Variants in VPS13B observed in about 807,000 individuals in gnomAD.
VPS13B encodes the protein vacuolar protein sorting 13 homolog B.
VPS13B carries 285 observed loss-of-function variants against 426.4 expected under a neutral mutation model. The observed-to-expected ratio is 0.67, with a 90% CI of 0.61 to 0.74. The LOEUF is 0.74. Among genes scored for constraint, VPS13B ranks in the 30% least tolerant of loss-of-function variants. VPS13B has a pLI of 0.00. For synonymous variants in VPS13B, 1,676 were observed against 1,676.4 expected (o/e 1.00, Z 0.01); for missense variants, 4,537 against 4,782.6 (o/e 0.95, Z 1.51).
At chr8:99,249,577 C>A (rs1333622207) in intron 17 of VPS13B, among the ~76,000 whole-genome samples, 1 of 152,020 alleles carries the variant, frequency 6.6e-6, no homozygotes, top group Admixed American at 6.6e-5. Context: ...ACACCCGCCA[C>A]CACGCCCGGC....
In VPS13B at chr8:99,391,617, T is replaced by A; in HGVS notation, c.2995T>A (p.Ser999Thr). ...TTGTAGAAGGAAAGAGGATGAGGTG[T>A]CTATTGGAAGTGCCCCCTTGGCAAA... is the stretch of plus-strand genomic sequence containing the variant. ...PVCRRKEDEV[S>T]IGSAPLAKQQ... Residue 999 changes from serine (S) to threonine (T), a missense_variant, in exon 21 of 62, where the codon TCT (serine) becomes ACT (threonine). Ser to Thr is a moderately conservative substitution (Grantham distance 58). This residue lies in a region of VPS13B where 4,311 missense variants were observed against 4,474.3 expected (regional missense o/e 0.96). Coordinates refer to ENST00000357162, the MANE Select transcript of VPS13B (RefSeq NM_152564.5). The A allele has an allele frequency of 3.7e-6, 6 of 1,614,180 alleles. No individual in the cohort carries two copies. Among genetic ancestry groups the A allele is most frequent in the Non-Finnish European group, 5.1e-6 (6 of 1,180,018 alleles).
chr8:99,162,142 T>G (rs1437936886), intron 15 of VPS13B, among the ~76,000 whole-genome samples: 1 of 152,180 alleles, frequency 6.6e-6, no homozygotes, highest in Non-Finnish European at 1.5e-5. Context: ...TTTCAGGATG[T>G]GGTAGAGAGT....
At chr8:99,105,927 GC>G (rs1482707469) in intron 5 of VPS13B, among the ~76,000 whole-genome samples, 2 of 152,138 alleles carry the variant, frequency 1.3e-5, no homozygotes, top group African/African-American at 4.8e-5. Context: ...CCATATGAAA[GC>G]TCATGATGAT....
chr8:99,685,411 TG>T (rs1831343900), intron 35 of VPS13B, among the ~76,000 whole-genome samples: 1 of 152,224 alleles, frequency 6.6e-6, no homozygotes, highest in African/African-American at 2.4e-5. Context: ...GGTTCTAATC[TG>T]GGGGCTCCTG....
chr8:99,307,737 T>C lies in VPS13B; in HGVS notation c.2824+32483T>C, dbSNP rs536765573. On this transcript the variant is annotated intron_variant, in intron 19 of 61. Coordinates refer to ENST00000357162, the MANE Select transcript of VPS13B (RefSeq NM_152564.5). ...TTTCCTTTTGTTGATCCCTTTTTCA[T>C]TGAAGTTTCTATTTCATTTAGTTCT... Among the ~76,000 whole-genome samples, 3 of 152,260 alleles carry C rather than the reference T, an allele frequency of 2.0e-5. No homozygotes were observed. In the East Asian group the frequency reaches 5.8e-4, roughly 29 times the overall value.
At chr8:99,570,614 A>T (rs1825426546) in intron 31 of VPS13B, among the ~76,000 whole-genome samples, 1 of 151,716 alleles carries the variant, frequency 6.6e-6, no homozygotes, top group Non-Finnish European at 1.5e-5. Flanking sequence ...TTTAAGCAAA[A>T]TTTTTATTGT....
chr8:99,774,024 T>C (rs1811631774), intron 40 of VPS13B, among the ~76,000 whole-genome samples: 1 of 152,182 alleles, frequency 6.6e-6, no homozygotes, highest in African/African-American at 2.4e-5. Context: ...TTTAGTCCTA[T>C]TGTACTTAGA....
intron 19 of VPS13B, among the ~76,000 whole-genome samples, chr8:99,361,705 G>A (rs534071157): frequency 3.2e-4 from 48 of 152,228 alleles, no homozygotes; most frequent in African/African-American, 1.1e-3. Context: ...GGTTACCTTA[G>A]CCAGATAATT....
chr8:99,841,380 T>C (rs1428243792), intron 54 of VPS13B, among the ~76,000 whole-genome samples: 1 of 152,214 alleles, frequency 6.6e-6, no homozygotes, highest in Non-Finnish European at 1.5e-5. Flanking sequence ...TCAACACATC[T>C]GAAACCAAGA....
intron 31 of VPS13B, among the ~76,000 whole-genome samples, chr8:99,565,383 T>A (rs1280475995): frequency 4.0e-5 from 6 of 151,322 alleles, no homozygotes; most frequent in Non-Finnish European, 8.8e-5. Context: ...TTTTTACACA[T>A]AAAGAATTTT....
At chr8:99,090,065 G>A (rs1056142922) in intron 3 of VPS13B, among the ~76,000 whole-genome samples, 2 of 152,014 alleles carry the variant, frequency 1.3e-5, no homozygotes, top group Admixed American at 1.3e-4. Flanking sequence ...TCCCATCATA[G>A]CCTGAAGTAG....
chr8:99,646,685 T>G (rs1346425352), intron 34 of VPS13B, among the ~76,000 whole-genome samples: 4 of 152,112 alleles, frequency 2.6e-5, no homozygotes, highest in Non-Finnish European at 4.4e-5. Context: ...TAAGGCCTAG[T>G]GGGAAGTGTT....
intron 19 of VPS13B, among the ~76,000 whole-genome samples, chr8:99,308,009 C>T (rs1288824484): frequency 6.6e-6 from 1 of 151,906 alleles, no homozygotes; most frequent in Non-Finnish European, 1.5e-5. Flanking sequence ...CTTCATTGAC[C>T]CAATGGTCAT....
rs1031700102 is a variant in VPS13B, at chr8:99,191,940, A to G, written c.2334-936A>G. 4.6e-5 allele frequency among the ~76,000 whole-genome samples: 7 copies of G among 152,190 alleles called. No individual in the cohort carries two copies. The East Asian group carries it at 1.3e-3, about 29-fold the overall frequency. ...ATACAAGAGAAGTTCTGTACTCTCCATGTGTGGTTACAGTTGGGAAAATGA... is the reference window on the plus strand; with the variant it reads ...ATACAAGAGAAGTTCTGTACTCTCCGTGTGTGGTTACAGTTGGGAAAATGA... On this transcript the variant is annotated intron_variant, in intron 16 of 61. Transcript: ENST00000357162.
chr8:99,293,560 A>G (rs1819858369), intron 19 of VPS13B, among the ~76,000 whole-genome samples: 1 of 120,418 alleles, frequency 8.3e-6, no homozygotes, highest in South Asian at 3.2e-4. Context: ...ATTAAACTAA[A>G]GAGCTTCTGC....
chr8:99,631,166 T>C (rs1282672786), intron 33 of VPS13B, among the ~76,000 whole-genome samples: 2 of 151,928 alleles, frequency 1.3e-5, no homozygotes, highest in Non-Finnish European at 2.9e-5. Context: ...CCAATTTATC[T>C]CAAAAATCTT....
intron 40 of VPS13B, among the ~76,000 whole-genome samples, chr8:99,773,755 C>T (rs1811621461): frequency 6.6e-6 from 1 of 152,118 alleles, no homozygotes; most frequent in Non-Finnish European, 1.5e-5. Context: ...TGAAGAGCAC[C>T]AGATAATTCT....
chr8:99,663,988 A>G (rs2129793099), intron 35 of VPS13B, among the ~76,000 whole-genome samples: 1 of 151,936 alleles, frequency 6.6e-6, no homozygotes, highest in East Asian at 1.9e-4. Context: ...ATTTAACATG[A>G]CTCAGTATTA....
chr8:99,432,045 T>C (rs1817143145), intron 22 of VPS13B, among the ~76,000 whole-genome samples: 1 of 152,048 alleles, frequency 6.6e-6, no homozygotes. Flanking sequence ...GTTATCTAAT[T>C]ATTTTTTCTA....
Sources: allele counts gnomAD v4.1 joint callset (sites outside exome capture counted in the v4.1 genomes callset), GRCh38; gene constraint gnomAD v4.1.1; regional missense constraint gnomAD v4.1.1; transcripts MANE v1.5; gene names NCBI Gene and HGNC (gene_info 2026-07-23, HGNC 2026-07-21).